The following PCDHGA4 variants were observed in gnomAD, a reference collection of about 807,000 sequenced individuals.
PCDHGA4 encodes the protein protocadherin gamma-A4.
A neutral mutation model predicts 54.6 loss-of-function variants in PCDHGA4; 38 were observed. That is an observed-to-expected ratio of 0.70 (90% CI 0.54 to 0.91). The LOEUF (loss-of-function observed/expected upper bound fraction) is 0.91, where lower values mean the gene tolerates loss of function less well. Among genes scored for constraint, PCDHGA4 ranks in the 40% least tolerant of loss-of-function variants. The probability of loss-of-function intolerance (pLI) is 0.00; values close to 1 mark genes in which losing one functional copy is unlikely to be tolerated. For missense variants in PCDHGA4, 1,298 were observed against 1,220.9 expected (o/e 1.06, Z -0.94); for synonymous variants, 511 against 512.9 (o/e 1.00, Z 0.05).
intron 1 of PCDHGA4, among the ~76,000 whole-genome samples, chr5:141,449,586 C>T (rs2098645911): frequency 1.6e-5 from 2 of 125,482 alleles, no homozygotes; most frequent in East Asian, 2.3e-4. Context: ...AAGACTCTGT[C>T]TCAAAAAAAA....
At position 141,486,579 on chromosome 5, in the gene PCDHGA4, G is replaced by A. The variant is rs747583158; in HGVS notation, c.2515-8228G>A. On this transcript the variant is annotated intron_variant, in intron 1 of 3. Coordinates refer to ENST00000571252, the MANE Select transcript of PCDHGA4 (RefSeq NM_018917.4). The surrounding 1 kb of genome is among the most constrained non-coding windows in gnomAD (Gnocchi z 5.0). ...GAGGTGTTTGTTCCTGAGAACAATC[G>A]CCCAGGGGACCTGCTTTGCTCCCTT... is the stretch of plus-strand genomic sequence containing the variant. The A allele has an allele frequency of 5.1e-5, 82 of 1,613,426 alleles. No homozygotes were observed. Among genetic ancestry groups the A allele is most frequent in the South Asian group, 2.2e-4 (20 of 91,084 alleles).
intron 1 of PCDHGA4, chr5:141,376,578 A>C: frequency 6.3e-6 from 10 of 1,590,844 alleles, no homozygotes; most frequent in Non-Finnish European, 8.6e-6. Flanking sequence ...AGACAGGCTC[A>C]TCAGCTAGAT....
intron 1 of PCDHGA4, chr5:141,423,640 T>C: frequency 6.3e-7 from 1 of 1,597,848 alleles, no homozygotes; most frequent in Non-Finnish European, 8.5e-7. Flanking sequence ...TTTAGGCAAA[T>C]GTGACCCGAC....
intron 1 of PCDHGA4, among the ~76,000 whole-genome samples, chr5:141,481,184 C>A (rs2099533291): frequency 6.6e-6 from 1 of 152,146 alleles, no homozygotes; most frequent in African/African-American, 2.4e-5. Flanking sequence ...CTTTATTGGG[C>A]CAGGCCCAAT....
intron 1 of PCDHGA4, chr5:141,374,349 G>A: frequency 1.2e-6 from 2 of 1,614,042 alleles, no homozygotes; most frequent in Non-Finnish European, 1.7e-6. Context: ...ACCGCGGGTA[G>A]GATAGACCGC....
intron 1 of PCDHGA4, chr5:141,400,747 G>T (rs2094069778): frequency 5.0e-6 from 3 of 602,662 alleles, no homozygotes; most frequent in African/African-American, 1.9e-5. Context: ...TTTGCTCTTA[G>T]CTTCCTCTCT....
At chr5:141,415,318 C>T (rs1324377536) in intron 1 of PCDHGA4, 4 of 1,614,252 alleles carry the variant, frequency 2.5e-6, no homozygotes, top group Admixed American at 1.7e-5. Flanking sequence ...CGTCATCGTG[C>T]TGCTGGCGCA....
intron 1 of PCDHGA4, chr5:141,409,991 G>A: frequency 6.2e-6 from 10 of 1,613,320 alleles, no homozygotes; most frequent in Non-Finnish European, 7.6e-6. Flanking sequence ...GGTGGACGCC[G>A]ACTCGGGACA....
intron 1 of PCDHGA4, chr5:141,375,002 CTAGACTAT>C (rs1771028356): frequency 6.2e-7 from 1 of 1,613,890 alleles, no homozygotes; most frequent in Non-Finnish European, 8.5e-7. Flanking sequence ...TTCTGCAAAT[CTAGACTAT>C]GAGGACTCGA....
chr5:141,410,158 G>T (rs755466762), intron 1 of PCDHGA4: 2 of 1,613,516 alleles, frequency 1.2e-6, no homozygotes, highest in Non-Finnish European at 8.5e-7. Context: ...GTGGACAGCC[G>T]CCACTCTCTG....
rs373728953 is a variant in PCDHGA4 at position 141,491,753 on chromosome 5, C to A, written c.2515-3054C>A. The A allele has an allele frequency of 6.3e-7, 1 of 1,585,146 alleles. No homozygotes were observed. The highest frequency in any genetic ancestry group is 8.6e-7 in the Non-Finnish European group (1 of 1,166,912). On this transcript the variant is annotated intron_variant, in intron 1 of 3. Transcript: ENST00000571252. This position sits in a 1 kb window ranked among gnomAD's most constrained non-coding sequence, Gnocchi z 6.9. The stretch of plus-strand genomic sequence containing the variant: ...ACCCCTGGGGGCGGCACTGGAGAAG[C>A]CGCCCGTCCTCATAAGGGATTGAAC...
In PCDHGA4 at chr5:141,432,877, C is replaced by T. The variant is rs375043811; in HGVS notation, c.2515-61930C>T. 108 of 1,614,082 alleles carry T rather than the reference C, an allele frequency of 6.7e-5. No homozygotes were observed. Among genetic ancestry groups the T allele is most frequent in the Non-Finnish European group, 7.6e-5 (90 of 1,180,018 alleles). On this transcript the variant is annotated intron_variant, in intron 1 of 3. Coordinates refer to ENST00000571252, the MANE Select transcript of PCDHGA4 (RefSeq NM_018917.4). The surrounding 1 kb of genome is among the most constrained non-coding windows in gnomAD (Gnocchi z 6.0). Reference sequence around the variant, plus strand: ...CCGCGGTCTCCTGCGTCTTCCTGGCCTTCGTCATCTTGCTGCTGGCGCTCA... The same window carrying T: ...CCGCGGTCTCCTGCGTCTTCCTGGCTTTCGTCATCTTGCTGCTGGCGCTCA...
chr5:141,365,644 C>A (rs762390093), intron 1 of PCDHGA4: 3 of 1,613,554 alleles, frequency 1.9e-6, no homozygotes, highest in Non-Finnish European at 2.5e-6. Context: ...AAAGCCACAT[C>A]CCCTTGAAAG....
chr5:141,508,269 C>T (rs1459186158), intron 3 of PCDHGA4: 1 of 152,186 alleles, frequency 6.6e-6, no homozygotes, highest in East Asian at 1.9e-4. Flanking sequence ...GAGAAAATCC[C>T]GGTCCTTGAC....
At chr5:141,400,234 G>T (rs749957043) in intron 1 of PCDHGA4, 6 of 1,613,868 alleles carry the variant, frequency 3.7e-6, no homozygotes, top group African/African-American at 1.3e-5. Context: ...CCTCCTGGCC[G>T]TGATTCTGGC....
In PCDHGA4 at chr5:141,384,758, G is replaced by A. The variant is rs369146747; in HGVS notation, c.2514+27137G>A. ...AGCGAGCCAGGACTCTTTGCGGTTG[G>A]GCTGTACACGGGCGAGGTGCGCACG... is the stretch of plus-strand genomic sequence containing the variant. On this transcript the variant is annotated intron_variant, in intron 1 of 3. Coordinates refer to ENST00000571252, the MANE Select transcript of PCDHGA4 (RefSeq NM_018917.4). 57 of 1,613,872 alleles carry A rather than the reference G, an allele frequency of 3.5e-5. No individual in the cohort carries two copies. The highest frequency in any genetic ancestry group is 4.1e-5 in the Non-Finnish European group (48 of 1,180,038).
At chr5:141,392,721 G>A (rs1169584002) in intron 1 of PCDHGA4, 25 of 1,390,348 alleles carry the variant, frequency 1.8e-5, no homozygotes, top group South Asian at 3.2e-5. Context: ...CAGGTTTCCG[G>A]AGGATTGTCA....
At chr5:141,364,412 T>C (rs1423662682) in intron 1 of PCDHGA4, 2 of 1,612,244 alleles carry the variant, frequency 1.2e-6, no homozygotes, top group East Asian at 2.2e-5. Context: ...CGAGCCAGGA[T>C]CCGGGCAGAT....
At chr5:141,471,932 A>T (rs1015576042) in intron 1 of PCDHGA4, among the ~76,000 whole-genome samples, 1 of 152,158 alleles carries the variant, frequency 6.6e-6, no homozygotes, top group Non-Finnish European at 1.5e-5. Context: ...GGGGGTGATG[A>T]GAGTTTTCTA....
Sources: allele counts gnomAD v4.1 joint callset (sites outside exome capture counted in the v4.1 genomes callset), GRCh38; gene constraint gnomAD v4.1.1; non-coding constraint Gnocchi (gnomAD v3.1); transcripts MANE v1.5; gene names NCBI Gene and HGNC (gene_info 2026-07-23, HGNC 2026-07-21).